PP2D1: variants seen among roughly 807,000 people sequenced by gnomAD.
PP2D1 encodes protein phosphatase 2C-like domain-containing protein 1.
PP2D1 carries 25 observed loss-of-function variants against 30.2 expected under a neutral mutation model. The ratio of observed to expected loss-of-function variants is 0.83; its 90% CI spans 0.60 to 1.16. The LOEUF (loss-of-function observed/expected upper bound fraction) is 1.16, where lower values mean the gene tolerates loss of function less well. PP2D1 is among the 50% of genes most tolerant of loss of function. The pLI, the probability that PP2D1 is intolerant of heterozygous loss-of-function variation, is 0.00. For missense variants in PP2D1, 760 were observed against 742.4 expected, an observed-to-expected ratio of 1.02 and a Z score of -0.28; for synonymous variants, 260 against 258.9, an observed-to-expected ratio of 1.00 and a Z score of -0.04.
intron 1 of PP2D1, among the ~76,000 whole-genome samples, chr3:20,007,497 G>A (rs1195713486): frequency 2.0e-5 from 3 of 151,988 alleles, no homozygotes; most frequent in South Asian, 2.1e-4. Flanking sequence ...GGCCAGGTGC[G>A]GTGGCTCACG....
At chr3:19,997,504 G>C (rs1003386316) in intron 2 of PP2D1, among the ~76,000 whole-genome samples, 2 of 152,134 alleles carry the variant, frequency 1.3e-5, no homozygotes, top group Non-Finnish European at 2.9e-5. Flanking sequence ...TTGAGTCATG[G>C]GGAGCAGATC....
At position 19,985,923 on chromosome 3, in the gene PP2D1, A is replaced by G. The variant is rs1250641217; in HGVS notation, c.1350T>C (p.Leu450=). The change falls in exon 3 of 3, where the codon CTT becomes CTC. Residue 450 remains leucine, a synonymous_variant. Transcript: ENST00000389050. ...SVPIDDLCQF[L]IVATNGLWEV... is the part of the protein sequence containing the mutation. ...CCCAAAGTCCATTAGTAGCTACAAT[A>G]AGGAATTGACATAGGTCATCTATAG... The G allele has an allele frequency of 1.3e-6, 2 of 1,536,326 alleles. No homozygotes were observed. The highest frequency in any genetic ancestry group is 2.7e-5 in the African/African-American group (2 of 73,054).
At chr3:19,981,381 G>A (rs1330823570), downstream of PP2D1, among the ~76,000 whole-genome samples, 1 of 152,062 alleles carries the variant, frequency 6.6e-6, no homozygotes, top group Admixed American at 6.6e-5. Flanking sequence ...AGGCCAAGGC[G>A]GGCTATCACC....
chr3:19,993,044 A>G (rs1377379050), intron 2 of PP2D1, among the ~76,000 whole-genome samples: 1 of 152,172 alleles, frequency 6.6e-6, no homozygotes, highest in African/African-American at 2.4e-5. Context: ...ATCTCAAAAG[A>G]AAAAGAAAAA....
Position 19,986,146 on chromosome 3 carries a change from C to G in PP2D1, c.1127G>C (p.Gly376Ala). 1 of 1,521,904 alleles carries G rather than the reference C, an allele frequency of 6.6e-7. No homozygotes were observed. Among genetic ancestry groups the G allele is most frequent in the Non-Finnish European group, 8.8e-7 (1 of 1,141,678 alleles). 94.3% of individuals were successfully genotyped at this position (1,521,904 alleles called of 1,614,324 possible). A position where few individuals can be genotyped will look rare whatever the true frequency, so the allele number is the denominator to read the frequency against. The change falls in exon 3 of 3, where the codon GGT becomes GCT. Residue 376 changes from glycine to alanine, a missense_variant. Physicochemically the swap from Gly to Ala is moderately conservative, Grantham distance 60. Transcript: ENST00000389050. ...VQAVLCRNGK[G>A]FCLTKEHTTR... ...AGTATGTTCTTTGGTTAGGCAAAAA[C>G]CTTTCCCATTTCTGCATAAGACTGC...
rs180814073 is a variant in PP2D1, at chr3:19,985,462, G to A, written c.1811C>T (p.Ala604Val). ...GTCTCTGGAGCCAGCCAGTAAAGCA[G>A]CATTTACAAGTTCATGGCTAACATA... Reference protein sequence around the residue: ...AEYVSHELVNAALLAGSRDNI... With the variant: ...AEYVSHELVNVALLAGSRDNI... Residue 604 changes from alanine (A) to valine (V), a missense_variant, in exon 3 of 3, where the codon GCT becomes GTT. This residue lies in a region of PP2D1 where 369 missense variants were observed against 316.2 expected (regional missense o/e 1.17). Transcript: ENST00000389050. 4 of 1,536,050 alleles carry A rather than the reference G, an allele frequency of 2.6e-6. No individual in the cohort carries two copies. Among genetic ancestry groups the A allele is most frequent in the East Asian group, 4.9e-5 (2 of 40,902 alleles).
intron 3 of PP2D1, among the ~76,000 whole-genome samples, chr3:19,980,335 A>G (rs1415248489): frequency 6.6e-6 from 1 of 152,158 alleles, no homozygotes; most frequent in Non-Finnish European, 1.5e-5. Context: ...AGCAGCCTAC[A>G]TATTTTAGTT....
chr3:19,993,820 A>G (rs1395127598), intron 2 of PP2D1, among the ~76,000 whole-genome samples: 1 of 150,590 alleles, frequency 6.6e-6, no homozygotes, highest in Non-Finnish European at 1.5e-5. Context: ...GCTCACTGCA[A>G]CCTCTACCTC....
chr3:19,998,182 T>TGTC (rs113925067), intron 2 of PP2D1, among the ~76,000 whole-genome samples: 2 of 152,096 alleles, frequency 1.3e-5, no homozygotes, highest in African/African-American at 4.8e-5. Context: ...ATACAAAAAT[T>TGTC]GTCCAGCCGT....
At chr3:19,994,690 T>C (rs1362094283) in intron 2 of PP2D1, among the ~76,000 whole-genome samples, 1 of 152,216 alleles carries the variant, frequency 6.6e-6, no homozygotes. Flanking sequence ...ATTTACACTT[T>C]CATCTGTTTT....
chr3:19,989,464 CTACA>C (rs1350711619), intron 2 of PP2D1, among the ~76,000 whole-genome samples: 2 of 152,192 alleles, frequency 1.3e-5, no homozygotes, highest in Non-Finnish European at 1.5e-5. Flanking sequence ...ATTTTGGAAA[CTACA>C]TACATAGTTC....
rs1297818966 is a variant in PP2D1 at position 20,001,459 on chromosome 3, T to C, written c.661A>G (p.Met221Val). ...HGASAAELTS[M>V]ELPVLLLHQL... ...TGGAGAAGTAAAACTGGGAGTTCCATTGATGTCAACTCTGCCGCTGAGGCA... is the reference window on the plus strand; with the variant it reads ...TGGAGAAGTAAAACTGGGAGTTCCACTGATGTCAACTCTGCCGCTGAGGCA... Residue 221 changes from methionine (M) to valine (V), a missense_variant, in exon 2 of 3, where the codon ATG becomes GTG. By Grantham distance (21) the Met-to-Val change is conservative (BLOSUM62 1). Transcript: ENST00000389050. 11 of 1,536,488 alleles carry C rather than the reference T, an allele frequency of 7.2e-6. No individual in the cohort carries two copies. The highest frequency in any genetic ancestry group is 9.6e-6 in the Non-Finnish European group (11 of 1,146,966).
intron 2 of PP2D1, among the ~76,000 whole-genome samples, chr3:19,987,899 G>C (rs563972078): frequency 6.6e-6 from 1 of 152,120 alleles, no homozygotes; most frequent in Non-Finnish European, 1.5e-5. Flanking sequence ...AATTTCTTAC[G>C]CATGTCTTTA....
At position 19,986,092 on chromosome 3, in the gene PP2D1, A is replaced by C. The variant is rs1559495714; in HGVS notation, c.1181T>G (p.Ile394Arg). 5 of 1,535,646 alleles carry C rather than the reference A, an allele frequency of 3.3e-6. No homozygotes were observed. In the Admixed American group the frequency reaches 5.9e-5, roughly 18 times the overall value. Residue 394 changes from isoleucine (I) to arginine (R), a missense_variant, in exon 3 of 3, where the codon ATA (isoleucine) becomes AGA (arginine). Physicochemically the swap from Ile to Arg is moderately conservative, Grantham distance 97 (BLOSUM62 -3). This residue lies in a region of PP2D1 where 369 missense variants were observed against 316.2 expected (regional missense o/e 1.17). Transcript: ENST00000389050. ...ACTAATGACTGCTCCATTCTGAAGT[A>C]TTCTTCTTCTTTCATTTGTGTTTCG... is the stretch of plus-strand genomic sequence containing the variant. ...TTRNTNERRR[I>R]LQNGAVISSN...
intron 1 of PP2D1, among the ~76,000 whole-genome samples, chr3:20,010,210 C>A (rs1048317142): frequency 2.0e-5 from 3 of 152,046 alleles, no homozygotes; most frequent in African/African-American, 4.8e-5. Flanking sequence ...ATTCTTCTGC[C>A]TCAGCCTCCT....
intron 2 of PP2D1, among the ~76,000 whole-genome samples, chr3:19,990,098 T>G (rs1341941678): frequency 6.6e-6 from 1 of 152,160 alleles, no homozygotes; most frequent in East Asian, 1.9e-4. Context: ...TAAAATATTC[T>G]AGGAGAAAGG....
At chr3:19,997,200 T>C (rs1023920858) in intron 2 of PP2D1, among the ~76,000 whole-genome samples, 35 of 148,874 alleles carry the variant, frequency 2.4e-4, no homozygotes, top group African/African-American at 8.4e-4. Context: ...CTACTGAGTA[T>C]GATAAATAGC....
chr3:19,999,125 G>A (rs1431445108), intron 2 of PP2D1, among the ~76,000 whole-genome samples: 1 of 146,002 alleles, frequency 6.8e-6, no homozygotes, highest in Non-Finnish European at 1.5e-5. Context: ...CTGTTACCAG[G>A]CTGGAGTGCA....
chr3:19,990,533 A>C (rs1209202712), intron 2 of PP2D1, among the ~76,000 whole-genome samples: 1 of 152,192 alleles, frequency 6.6e-6, no homozygotes, highest in East Asian at 1.9e-4. Context: ...CTATTTGTGT[A>C]TCTAACCCAG....
Sources: gnomAD v4.1 joint callset for allele counts (sites outside exome capture counted in the v4.1 genomes callset) on GRCh38, gnomAD v4.1.1 for gene constraint, gnomAD v4.1.1 regional missense constraint, MANE v1.5 for transcripts, NCBI Gene and HGNC (gene_info 2026-07-23, HGNC 2026-07-21) for gene names.